Variants in CMIP observed in about 807,000 individuals in gnomAD.
CMIP encodes c-Maf inducing protein.
CMIP carries 13 observed loss-of-function variants against 97.3 expected under a neutral mutation model. That is an observed-to-expected ratio of 0.13 (90% CI 0.09 to 0.21). The LOEUF (loss-of-function observed/expected upper bound fraction) is 0.21. Ranked by LOEUF, CMIP falls within the 10% of genes least tolerant of loss-of-function variation. CMIP has a pLI of 1.00. For synonymous variants in CMIP, 538 were observed against 436.3 expected (o/e 1.23, Z -2.91); for missense variants, 847 against 1,024.9 (o/e 0.83, Z 2.37).
At chr16:81,624,546 G>C (rs2092034700) in intron 3 of CMIP, among the ~76,000 whole-genome samples, 1 of 150,876 alleles carries the variant, frequency 6.6e-6, no homozygotes, top group East Asian at 1.9e-4. Context: ...GCTTAGTTTT[G>C]ATCAAGTTGG....
At chr16:81,685,239 G>C (rs1400404728) in intron 10 of CMIP, among the ~76,000 whole-genome samples, 1 of 152,194 alleles carries the variant, frequency 6.6e-6, no homozygotes, top group East Asian at 1.9e-4. Flanking sequence ...TCTCGGTCTT[G>C]TGGGAGCTGC....
intron 7 of CMIP, chr16:81,664,659 C>T (rs60024935): frequency 0.025 from 14,229 of 563,162 alleles, 429 homozygotes; most frequent in East Asian, 0.098. Flanking sequence ...CCCTCAAGGA[C>T]CCAGAGCGCG....
intron 20 of CMIP, 79 bp from the exon 21 acceptor site, chr16:81,709,667 A>G (rs1597285903): frequency 6.6e-6 from 10 of 1,515,866 alleles, no homozygotes; most frequent in East Asian, 2.3e-5. Flanking sequence ...CCAGCCGGCA[A>G]TGCGGGTGGA....
intron 3 of CMIP, among the ~76,000 whole-genome samples, chr16:81,637,242 T>A (rs1210965221): frequency 1.3e-5 from 2 of 152,114 alleles, no homozygotes; most frequent in Non-Finnish European, 2.9e-5. Context: ...AGCTAATTTT[T>A]TTGTATTTTT....
chr16:81,617,952 C>T (rs2091942556), intron 2 of CMIP, among the ~76,000 whole-genome samples: 1 of 152,214 alleles, frequency 6.6e-6, no homozygotes, highest in African/African-American at 2.4e-5. Context: ...TGGTTGTCCT[C>T]CTCCACCTTC....
At chr16:81,584,798 C>T (rs891310519) in intron 1 of CMIP, among the ~76,000 whole-genome samples, 6 of 152,304 alleles carry the variant, frequency 3.9e-5, no homozygotes, top group East Asian at 3.9e-4. Flanking sequence ...CTTCATTCTC[C>T]CTCTGTCCAG....
At chr16:81,568,462 C>A (rs1052806187) in intron 1 of CMIP, among the ~76,000 whole-genome samples, 1 of 152,120 alleles carries the variant, frequency 6.6e-6, no homozygotes, top group Non-Finnish European at 1.5e-5. Context: ...TGGCTGGGGC[C>A]CCGGGCAAGG....
chr16:81,475,461 CT>C (rs1907846339), intron 1 of CMIP, among the ~76,000 whole-genome samples: 1 of 152,042 alleles, frequency 6.6e-6, no homozygotes. Context: ...ACTACATACT[CT>C]TATAGAACAC....
At chr16:81,671,489 G>C (rs1202365083) in intron 8 of CMIP, among the ~76,000 whole-genome samples, 1 of 152,212 alleles carries the variant, frequency 6.6e-6, no homozygotes, top group Non-Finnish European at 1.5e-5. Flanking sequence ...TTCCAAAGCA[G>C]GATATGTTTG....
chr16:81,516,109 T>G (rs1442964224), intron 1 of CMIP, among the ~76,000 whole-genome samples: 1 of 152,160 alleles, frequency 6.6e-6, no homozygotes, highest in Admixed American at 6.5e-5. Context: ...ATCTCCTTCC[T>G]TGTGTACCCA....
At chr16:81,695,062 G>A (rs1906551981) in intron 13 of CMIP, among the ~76,000 whole-genome samples, 1 of 152,206 alleles carries the variant, frequency 6.6e-6, no homozygotes, top group Non-Finnish European at 1.5e-5. Flanking sequence ...GCTTCTCAGA[G>A]TAGAGAGGCA....
chr16:81,538,915 G>A lies in CMIP; in HGVS notation c.301-68652G>A, dbSNP rs74734035. Reference sequence around the variant, plus strand: ...CATTTTAAATTAAAATAAAATGAACGGTGTCCATCTGTTTGTGGAAACCTG... The same window carrying A: ...CATTTTAAATTAAAATAAAATGAACAGTGTCCATCTGTTTGTGGAAACCTG... On this transcript the variant is annotated intron_variant, in intron 1 of 20. Transcript: ENST00000537098. 7.2e-3 allele frequency among the ~76,000 whole-genome samples: 1,095 copies of A among 152,014 alleles called. 12 individuals are homozygous for A. The highest frequency in any genetic ancestry group is 0.025 in the African/African-American group (1,027 of 41,458).
intron 1 of CMIP, among the ~76,000 whole-genome samples, chr16:81,465,954 A>G (rs1192343603): frequency 6.6e-6 from 1 of 152,238 alleles, no homozygotes; most frequent in East Asian, 1.9e-4. Context: ...TGCAGAGAAG[A>G]AGCTGGTAAT....
intron 1 of CMIP, chr16:81,464,495 CTCATTCATTCATTCAT>C (rs10593332): frequency 4.0e-5 from 6 of 151,474 alleles, no homozygotes; most frequent in Admixed American, 3.3e-4. Context: ...GAGTGAAGGT[CTCATTCATTCATTCAT>C]TCATTCATTC....
intron 1 of CMIP, among the ~76,000 whole-genome samples, chr16:81,563,866 A>G (rs2150876801): frequency 6.6e-6 from 1 of 152,322 alleles, no homozygotes; most frequent in Non-Finnish European, 1.5e-5. Context: ...GCACCTTGGA[A>G]GAGCCGCCTT....
At chr16:81,633,231 G>A (rs1167855925) in intron 3 of CMIP, among the ~76,000 whole-genome samples, 1 of 152,242 alleles carries the variant, frequency 6.6e-6, no homozygotes, top group African/African-American at 2.4e-5. Context: ...CGTCTGCAGT[G>A]TGTCTCTTTC....
chr16:81,464,456 A>G (rs1198630953), intron 1 of CMIP: 2 of 152,158 alleles, frequency 1.3e-5, no homozygotes, highest in African/African-American at 2.4e-5. Context: ...CTATTTGATG[A>G]TGCAACCAGG....
chr16:81,513,078 G>A (rs1431570620), intron 1 of CMIP, among the ~76,000 whole-genome samples: 1 of 152,200 alleles, frequency 6.6e-6, no homozygotes, highest in Non-Finnish European at 1.5e-5. Flanking sequence ...TATTCTTTTG[G>A]ATGCTCCGGT....
At chr16:81,534,119 G>T (rs1055898939) in intron 1 of CMIP, among the ~76,000 whole-genome samples, 3 of 152,168 alleles carry the variant, frequency 2.0e-5, no homozygotes, top group Admixed American at 1.3e-4. Flanking sequence ...TCCTGCACCC[G>T]GGCAGCCTGT....
Sources: gnomAD v4.1 joint callset for allele counts (sites outside exome capture counted in the v4.1 genomes callset) on GRCh38, gnomAD v4.1.1 for gene constraint, MANE v1.5 for transcripts, NCBI Gene and HGNC (gene_info 2026-07-23, HGNC 2026-07-21) for gene names.